Variants in DNAH11 observed in about 807,000 individuals in gnomAD.
The protein encoded by DNAH11 is dynein axonemal heavy chain 11, also known as axonemal beta dynein heavy chain 11.
DNAH11 carries 442 observed loss-of-function variants against 526.0 expected under a neutral mutation model. The ratio of observed to expected loss-of-function variants is 0.84; its 90% CI spans 0.78 to 0.91. The LOEUF is 0.91. Ranked by LOEUF, DNAH11 falls within the 40% of genes least tolerant of loss-of-function variation. DNAH11 has a pLI of 0.00. For synonymous variants in DNAH11, 2,461 were observed against 1,935.9 expected (o/e 1.27, Z -7.12); for missense variants, 6,989 against 5,448.7 (o/e 1.28, Z -8.90).
intron 61 of DNAH11, among the ~76,000 whole-genome samples, chr7:21,797,996 G>C (rs968703013): frequency 6.6e-6 from 1 of 152,134 alleles, no homozygotes; most frequent in African/African-American, 2.4e-5. Flanking sequence ...GGTATTACTA[G>C]GAGTAGTCCC....
At chr7:21,584,220 C>G (rs752324300) in intron 9 of DNAH11, among the ~76,000 whole-genome samples, 5 of 152,212 alleles carry the variant, frequency 3.3e-5, no homozygotes, top group Non-Finnish European at 5.9e-5. Context: ...AAATGTGGCA[C>G]ATGTACACCA....
At chr7:21,571,245 T>C (rs937308881) in intron 7 of DNAH11, among the ~76,000 whole-genome samples, 1 of 152,122 alleles carries the variant, frequency 6.6e-6, no homozygotes, top group Non-Finnish European at 1.5e-5. Flanking sequence ...TGTCTAGTTA[T>C]GGTAAATTAG....
Position 21,616,049 on chromosome 7 carries a change from T to C in DNAH11, c.4012-160T>C, listed in dbSNP as rs17746573. Among the ~76,000 whole-genome samples, 5,900 of 152,296 alleles carry C rather than the reference T, an allele frequency of 0.039. 135 individuals are homozygous for C. Among genetic ancestry groups the C allele is most frequent in the South Asian group, 0.063 (303 of 4,830 alleles). On this transcript the variant is annotated intron_variant, in intron 21 of 81. Coordinates refer to ENST00000409508, the MANE Select transcript of DNAH11 (RefSeq NM_001277115.2). ...TGACGTGTTCTGACAACTTTTTTGTTTTGGTGATAGGGAAGTTTTGACAAG... is the reference window on the plus strand; with the variant it reads ...TGACGTGTTCTGACAACTTTTTTGTCTTGGTGATAGGGAAGTTTTGACAAG...
At chr7:21,879,878 A>G (rs953107526) in intron 74 of DNAH11, among the ~76,000 whole-genome samples, 37 of 152,134 alleles carry the variant, frequency 2.4e-4, no homozygotes, top group African/African-American at 8.4e-4. Context: ...TGAGGACAGG[A>G]GTTCAAGACC....
chr7:21,843,242 G>A (rs1028799799), intron 66 of DNAH11, among the ~76,000 whole-genome samples: 1 of 152,116 alleles, frequency 6.6e-6, no homozygotes, highest in African/African-American at 2.4e-5. Flanking sequence ...GCCTTAAAAT[G>A]TAGAAGAAAG....
chr7:21,597,453 G>A (rs1784900576), intron 14 of DNAH11, among the ~76,000 whole-genome samples: 1 of 152,174 alleles, frequency 6.6e-6, no homozygotes, highest in Non-Finnish European at 1.5e-5. Context: ...CTGAGACAGG[G>A]TCATTTATGA....
chr7:21,658,770 G>A (rs1440081808), intron 29 of DNAH11, 28 bp from the exon 30 acceptor site: 1 of 1,525,440 alleles, frequency 6.6e-7, no homozygotes, highest in Non-Finnish European at 8.9e-7. Context: ...TTAAGCCTGT[G>A]TTATAACATT....
intron 65 of DNAH11, among the ~76,000 whole-genome samples, chr7:21,835,544 G>A (rs530926200): frequency 1.3e-5 from 2 of 152,072 alleles, no homozygotes; most frequent in South Asian, 2.1e-4. Flanking sequence ...ACAGAAAACA[G>A]CTTCGATAAA....
chr7:21,612,610 A>G (rs1450040915), intron 20 of DNAH11, among the ~76,000 whole-genome samples: 2 of 151,646 alleles, frequency 1.3e-5, no homozygotes, highest in African/African-American at 2.4e-5. Flanking sequence ...TTACAGGTGA[A>G]TCTTAAGAAG....
chr7:21,652,404 T>C (rs568671881), intron 28 of DNAH11, among the ~76,000 whole-genome samples: 37 of 152,324 alleles, frequency 2.4e-4, no homozygotes, highest in African/African-American at 8.9e-4. Flanking sequence ...TATGAGTTTG[T>C]CAAGGCAGAG....
At chr7:21,629,004 T>C (rs1184787633) in intron 25 of DNAH11, among the ~76,000 whole-genome samples, 2 of 152,108 alleles carry the variant, frequency 1.3e-5, no homozygotes, top group Admixed American at 1.3e-4. Context: ...AGGTTGTTGA[T>C]TTGAAGGCCT....
intron 30 of DNAH11, among the ~76,000 whole-genome samples, chr7:21,671,707 T>C (rs1358292782): frequency 6.6e-6 from 1 of 152,206 alleles, no homozygotes; most frequent in Admixed American, 6.5e-5. Context: ...TGAGCTTAAT[T>C]TGTTCCTCTT....
At chr7:21,650,913 T>G (rs1787597049) in intron 28 of DNAH11, among the ~76,000 whole-genome samples, 1 of 151,562 alleles carries the variant, frequency 6.6e-6, no homozygotes, top group Non-Finnish European at 1.5e-5. Context: ...GTGCTGGGAT[T>G]ATAGGCGTAA....
At chr7:21,590,476 C>G (rs1175212421) in intron 12 of DNAH11, among the ~76,000 whole-genome samples, 1 of 152,162 alleles carries the variant, frequency 6.6e-6, no homozygotes, top group Non-Finnish European at 1.5e-5. Context: ...CCTGGAGTCT[C>G]TCATGGCAGT....
intron 25 of DNAH11, among the ~76,000 whole-genome samples, chr7:21,631,250 T>A (rs1268802999): frequency 6.6e-6 from 1 of 152,148 alleles, no homozygotes; most frequent in Admixed American, 6.5e-5. Context: ...TGGGTCCTTC[T>A]CACAAAACAT....
At chr7:21,880,656 A>G in intron 74 of DNAH11, 46 bp from the exon 75 acceptor site, 1 of 1,605,404 alleles carries the variant, frequency 6.2e-7, no homozygotes, top group Non-Finnish European at 8.5e-7. Context: ...TTGCTCTTGG[A>G]AACCATACAG....
At chr7:21,549,608 G>A (rs1266898252) in intron 2 of DNAH11, among the ~76,000 whole-genome samples, 2 of 152,114 alleles carry the variant, frequency 1.3e-5, no homozygotes, top group African/African-American at 4.8e-5. Context: ...TCTTGGTTTA[G>A]AAGAGCTGGA....
At position 21,612,414 on chromosome 7, in the gene DNAH11, G is replaced by A. The variant is rs1181016423; in HGVS notation, c.3853-2700G>A. ...ACTAAAAATACAAAAAATTAGCCGG[G>A]CGTGGTGGCAGGCGCCAGTAGTCCC... On this transcript the variant is annotated intron_variant, in intron 20 of 81. Coordinates refer to ENST00000409508, the MANE Select transcript of DNAH11 (RefSeq NM_001277115.2). Among the ~76,000 whole-genome samples the A allele has an allele frequency of 3.9e-5, 6 of 151,918 alleles. 1 individual carries two copies. Among genetic ancestry groups the A allele is most frequent in the Admixed American group, 3.9e-4 (6 of 15,250 alleles).
chr7:21,620,771 G>C (rs1465302331), intron 25 of DNAH11, among the ~76,000 whole-genome samples: 1 of 131,856 alleles, frequency 7.6e-6, no homozygotes, highest in Non-Finnish European at 1.5e-5. Context: ...GTGTCCATGT[G>C]TTCTCATTGT....
Sources: gnomAD v4.1 joint callset for allele counts (sites outside exome capture counted in the v4.1 genomes callset) on GRCh38, gnomAD v4.1.1 for gene constraint, MANE v1.5 for transcripts, NCBI Gene and HGNC (gene_info 2026-07-23, HGNC 2026-07-21) for gene names.